NAT10: variants seen among roughly 807,000 people sequenced by gnomAD.
The protein encoded by NAT10 is RNA cytidine acetyltransferase.
In NAT10, 109 loss-of-function variants were observed where a neutral mutation model predicts 132.2. The observed-to-expected ratio is 0.82, with a 90% CI of 0.71 to 0.97. The LOEUF is 0.97. Ranked by LOEUF, NAT10 falls within the 50% of genes least tolerant of loss-of-function variation. The pLI, the probability that NAT10 is intolerant of heterozygous loss-of-function variation, is 0.00. For missense variants in NAT10, 1,184 were observed against 1,263.4 expected, an observed-to-expected ratio of 0.94 and a Z score of 0.95; for synonymous variants, 479 against 478.0, an observed-to-expected ratio of 1.00 and a Z score of -0.03.
Position 34,134,501 on chromosome 11 carries a change from C to A in NAT10, c.1837-11C>A. The A allele has an allele frequency of 6.2e-7, 1 of 1,614,134 alleles. No homozygotes were observed. Among genetic ancestry groups the A allele is most frequent in the Non-Finnish European group, 8.5e-7 (1 of 1,180,004 alleles). ...GTGTTGCTAAGTTACTGGTTTGTGTCTCCCACACAGTTCCAAGATCCAGAC... is the reference window on the plus strand; with the variant it reads ...GTGTTGCTAAGTTACTGGTTTGTGTATCCCACACAGTTCCAAGATCCAGAC... On this transcript the variant is annotated splice_polypyrimidine_tract_variant and intron_variant, in intron 17 of 28. Coordinates refer to ENST00000257829, the MANE Select transcript of NAT10 (RefSeq NM_024662.3).
intron 2 of NAT10, 128 bp from the exon 3 acceptor site, chr11:34,108,614 T>C (rs1412906753): frequency 1.5e-5 from 13 of 893,076 alleles, no homozygotes. Flanking sequence ...TTGCTCGCCT[T>C]AGAACCTTGG....
intron 27 of NAT10, among the ~76,000 whole-genome samples, chr11:34,143,211 G>A (rs1852372681): frequency 1.3e-5 from 2 of 152,186 alleles, no homozygotes; most frequent in African/African-American, 4.8e-5. Flanking sequence ...CTGCCAGCAG[G>A]CCTGGTGACC....
chr11:34,107,101 T>G (rs528110475), intron 1 of NAT10: 5 of 146,484 alleles, frequency 3.4e-5, no homozygotes, highest in African/African-American at 1.0e-4. Flanking sequence ...GCACACCATC[T>G]CGGCTCACTG....
intron 9 of NAT10, among the ~76,000 whole-genome samples, chr11:34,122,850 G>A (rs1057008894): frequency 6.6e-6 from 1 of 152,208 alleles, no homozygotes; most frequent in African/African-American, 2.4e-5. Context: ...ATTTACAGTT[G>A]AACAAACATG....
At chr11:34,127,008 G>C (rs375997052) in intron 11 of NAT10, among the ~76,000 whole-genome samples, 1 of 152,154 alleles carries the variant, frequency 6.6e-6, no homozygotes, top group African/African-American at 2.4e-5. Flanking sequence ...CACTGGGGTC[G>C]AGCTATGCCT....
Position 34,146,403 on chromosome 11 carries a change from G to T in NAT10, c.*211G>T. On this transcript the variant is annotated 3_prime_UTR_variant, in exon 29 of 29. Transcript: ENST00000257829. Reference sequence around the variant, plus strand: ...GGTCTCTTTAGAACTTGATGGCTGGGCACTGCCATCTCTAGAATTGCCACG... The same window carrying T: ...GGTCTCTTTAGAACTTGATGGCTGGTCACTGCCATCTCTAGAATTGCCACG... 1 of 451,958 alleles carries T rather than the reference G, an allele frequency of 2.2e-6. No homozygotes were observed. Among genetic ancestry groups the T allele is most frequent in the Middle Eastern group, 4.6e-4 (1 of 2,172 alleles). The allele number at this position is 451,958 out of a possible 1,614,324, so 28.0% of individuals were successfully genotyped here. A position where few individuals can be genotyped will look rare whatever the true frequency, so the allele number is the denominator to read the frequency against.
intron 3 of NAT10, among the ~76,000 whole-genome samples, chr11:34,110,704 G>A (rs1344744182): frequency 6.6e-6 from 1 of 151,264 alleles, no homozygotes; most frequent in Non-Finnish European, 1.5e-5. Flanking sequence ...AGTTGGATGT[G>A]TTGTTAACAG....
Position 34,141,089 on chromosome 11 carries a change from G to T in NAT10, c.2593G>T (p.Ala865Ser), listed in dbSNP as rs913704852. The T allele has an allele frequency of 1.2e-6, 2 of 1,613,862 alleles. No individual in the cohort carries two copies. Among genetic ancestry groups the T allele is most frequent in the African/African-American group, 2.7e-5 (2 of 74,854 alleles). ...ACCCAGCAGATTTTCCATCCTTTAG[G>T]CTCTTCTCTTGGGGATTGGCCTGCA... ...GDLALSAAQSALLLGIGLQHK... is the reference protein window; with the variant it reads ...GDLALSAAQSSLLLGIGLQHK... Residue 865 changes from alanine (A) to serine (S), a missense_variant and splice_region_variant, in exon 25 of 29, where the codon GCT becomes TCT. Physicochemically the swap from Ala to Ser is moderately conservative, Grantham distance 99. Transcript: ENST00000257829.
chr11:34,136,183 G>A (rs1386449105), intron 19 of NAT10, among the ~76,000 whole-genome samples: 2 of 151,698 alleles, frequency 1.3e-5, no homozygotes, highest in Admixed American at 6.6e-5. Context: ...CCAGGTTCAA[G>A]CAATTTTCCT....
chr11:34,137,102 C>A, intron 21 of NAT10, 76 bp downstream of exon 21: 1 of 1,489,326 alleles, frequency 6.7e-7, no homozygotes, highest in Non-Finnish European at 9.3e-7. Flanking sequence ...TTGCAAAGAG[C>A]CCTAGTGCCT....
At chr11:34,140,997 C>T (rs1852317058) in intron 24 of NAT10, 92 bp from the exon 25 acceptor site, 1 of 1,546,174 alleles carries the variant, frequency 6.5e-7, no homozygotes, top group Non-Finnish European at 8.9e-7. Flanking sequence ...GTACCAATAG[C>T]TTTGGTCAAG....
At chr11:34,107,528 C>T (rs1041798162) in intron 1 of NAT10, among the ~76,000 whole-genome samples, 4 of 152,178 alleles carry the variant, frequency 2.6e-5, no homozygotes, top group African/African-American at 9.7e-5. Flanking sequence ...TATTTCCTTC[C>T]AGTCTTTTTT....
chr11:34,132,161 C>A lies in NAT10; in HGVS notation c.1557C>A (p.His519Gln). 6.2e-7 allele frequency: 1 copy of A among 1,614,170 alleles called. No homozygotes were observed. Among genetic ancestry groups the A allele is most frequent in the Admixed American group, 1.7e-5 (1 of 60,028 alleles). Residue 519 changes from histidine (H) to glutamine (Q), a missense_variant, in exon 15 of 29, where the codon CAC becomes CAA. Coordinates refer to ENST00000257829, the MANE Select transcript of NAT10 (RefSeq NM_024662.3). ...ATAGAGATACCCTCTTTTGCTACCACAAGGCCTCTGAAGTTTTCCTCCAAC... is the reference window on the plus strand; with the variant it reads ...ATAGAGATACCCTCTTTTGCTACCAAAAGGCCTCTGAAGTTTTCCTCCAAC... ...YVNRDTLFCY[H>Q]KASEVFLQRL...
At position 34,146,498 on chromosome 11, in the gene NAT10, T is replaced by G. The variant is rs924742125; in HGVS notation, c.*306T>G. 2.6e-4 allele frequency: 56 copies of G among 212,218 alleles called. No individual in the cohort carries two copies. Among genetic ancestry groups the G allele is most frequent in the African/African-American group, 1.3e-3 (56 of 43,206 alleles). The allele number at this position is 212,218 out of a possible 1,614,324, so 13.1% of individuals were successfully genotyped here. On this transcript the variant is annotated 3_prime_UTR_variant, in exon 29 of 29. Transcript: ENST00000257829. ...GTTCATATTTTGCTTTGAGCCAGCT[T>G]TTTAGTCTCATTCCCACACATGTGG...
intron 12 of NAT10, among the ~76,000 whole-genome samples, chr11:34,129,405 G>A (rs1256667100): frequency 2.0e-5 from 3 of 152,052 alleles, no homozygotes; most frequent in Non-Finnish European, 2.9e-5. Context: ...TTACATGTGC[G>A]TATTGGCCAC....
chr11:34,106,375 A>G (rs1851595170), intron 1 of NAT10, among the ~76,000 whole-genome samples: 1 of 151,978 alleles, frequency 6.6e-6, no homozygotes, highest in Non-Finnish European at 1.5e-5. Context: ...TTCAGCCCAT[A>G]GTAATCTCAG....
At chr11:34,126,492 A>G (rs1171807167) in intron 11 of NAT10, among the ~76,000 whole-genome samples, 1 of 152,174 alleles carries the variant, frequency 6.6e-6, no homozygotes, top group Non-Finnish European at 1.5e-5. Context: ...ATTTACATGT[A>G]TGTTTCTCAA....
chr11:34,136,881 A>G (rs1852226489), intron 20 of NAT10, 97 bp from the exon 21 acceptor site: 6 of 1,611,042 alleles, frequency 3.7e-6, no homozygotes, highest in Admixed American at 1.7e-5. Context: ...CTAGCCTGCT[A>G]TTTGTGGCGT....
In NAT10 at chr11:34,135,366, CA is replaced by C; in HGVS notation, c.2028+80del. ...TTCTCTGGGTTTTTAGGGGCATCAA[CA>C]AAAACCAGTCCAGAGCTTTGGACCC... On this transcript the variant is annotated intron_variant, in intron 19 of 28. Transcript: ENST00000257829. 4 of 1,218,924 alleles carry C rather than the reference CA, an allele frequency of 3.3e-6. No individual in the cohort carries two copies. In the South Asian group the frequency reaches 3.8e-5, roughly 11 times the overall value. The allele number at this position is 1,218,924 out of a possible 1,614,324, so 75.5% of individuals were successfully genotyped here.
Sources: gnomAD v4.1 joint callset for allele counts (sites outside exome capture counted in the v4.1 genomes callset) on GRCh38, gnomAD v4.1.1 for gene constraint, MANE v1.5 for transcripts, NCBI Gene and HGNC (gene_info 2026-07-23, HGNC 2026-07-21) for gene names.